The following TAFA2 variants were observed in gnomAD, a reference collection of about 807,000 sequenced individuals.
TAFA2 encodes the protein chemokine-like protein TAFA-2.
In TAFA2, 7 loss-of-function variants were observed where a neutral mutation model predicts 18.8. That is an observed-to-expected ratio of 0.37 (90% CI 0.21 to 0.70). TAFA2 has a LOEUF of 0.70. TAFA2 is among the 30% of genes least tolerant of loss of function. The probability of loss-of-function intolerance (pLI) is 0.53; values close to 1 mark genes in which losing one functional copy is unlikely to be tolerated. For missense variants in TAFA2, 122 were observed against 158.1 expected (o/e 0.77, Z 1.23); for synonymous variants, 60 against 54.2 (o/e 1.11, Z -0.47).
upstream of TAFA2, chr12:62,258,884 G>A (rs2062959888): frequency 1.1e-5 from 2 of 188,674 alleles, no homozygotes; most frequent in Non-Finnish European, 2.4e-5. Context: ...GGGTAGCCGT[G>A]GTTAGAGAAA....
intron 1 of TAFA2, among the ~76,000 whole-genome samples, chr12:62,086,590 A>G (rs1868465486): frequency 6.6e-6 from 1 of 152,100 alleles, no homozygotes; most frequent in South Asian, 2.1e-4. Flanking sequence ...CAAAACCACA[A>G]TAAGATACCA....
At chr12:61,772,831 T>A (rs922261290) in intron 2 of TAFA2, among the ~76,000 whole-genome samples, 1 of 151,892 alleles carries the variant, frequency 6.6e-6, no homozygotes, top group Non-Finnish European at 1.5e-5. Flanking sequence ...ACCACTTCTA[T>A]TCAACATAGT....
chr12:61,963,799 G>T (rs543077549), intron 1 of TAFA2, among the ~76,000 whole-genome samples: 24 of 152,054 alleles, frequency 1.6e-4, no homozygotes, highest in Admixed American at 5.2e-4. Context: ...GAACAAAGCT[G>T]GAGGCATCAT....
chr12:62,030,790 G>T lies in TAFA2; in HGVS notation c.-2+160469C>A, dbSNP rs556561820. On this transcript the variant is annotated intron_variant, in intron 1 of 4. Transcript: ENST00000416284. ...GAAACAGAGGTTTGTTGTTGTTGTTGTTACTGACTTGAGGTTAAGGACACA... is the reference window on the plus strand; with the variant it reads ...GAAACAGAGGTTTGTTGTTGTTGTTTTTACTGACTTGAGGTTAAGGACACA... Among the ~76,000 whole-genome samples the T allele has an allele frequency of 2.0e-5, 3 of 152,258 alleles. No individual in the cohort carries two copies. In the East Asian group the frequency reaches 5.8e-4, roughly 29 times the overall value.
intron 1 of TAFA2, among the ~76,000 whole-genome samples, chr12:62,087,869 CAG>C (rs1036643750): frequency 9.2e-5 from 14 of 152,112 alleles, no homozygotes; most frequent in Middle Eastern, 3.4e-3. Context: ...GCAGTCATGA[CAG>C]AGAAAAATGG....
At chr12:61,882,547 C>T (rs1213099165) in intron 1 of TAFA2, among the ~76,000 whole-genome samples, 1 of 152,098 alleles carries the variant, frequency 6.6e-6, no homozygotes, top group Non-Finnish European at 1.5e-5. Context: ...TTTTCTGTTA[C>T]TGTAAGGCTT....
At chr12:62,166,035 G>A (rs2062437138) in intron 1 of TAFA2, among the ~76,000 whole-genome samples, 1 of 151,802 alleles carries the variant, frequency 6.6e-6, no homozygotes, top group African/African-American at 2.4e-5. Flanking sequence ...GCTGTTTAGA[G>A]ACTGGTGTCA....
chr12:61,761,733 T>G (rs143459481), intron 2 of TAFA2, among the ~76,000 whole-genome samples: 344 of 152,098 alleles, frequency 2.3e-3, no homozygotes, highest in Non-Finnish European at 3.6e-3. Context: ...AGAAACAAAA[T>G]TAGAGATAAG....
At chr12:62,165,381 C>G (rs2062431777) in intron 1 of TAFA2, among the ~76,000 whole-genome samples, 1 of 151,990 alleles carries the variant, frequency 6.6e-6, no homozygotes, top group Non-Finnish European at 1.5e-5. Context: ...ACTCTTGAAT[C>G]TCTACACTCA....
chr12:62,040,827 T>C (rs900474710), intron 1 of TAFA2, among the ~76,000 whole-genome samples: 1 of 151,826 alleles, frequency 6.6e-6, no homozygotes, highest in Non-Finnish European at 1.5e-5. Context: ...ACTGAAGAGG[T>C]CAAACTGAAT....
chr12:62,075,749 C>T (rs1179736624), intron 1 of TAFA2, among the ~76,000 whole-genome samples: 1 of 152,150 alleles, frequency 6.6e-6, no homozygotes, highest in East Asian at 1.9e-4. Context: ...TTTGTTTTTA[C>T]TCTTGCAGAC....
chr12:61,775,705 G>C (rs1592380667), intron 2 of TAFA2, among the ~76,000 whole-genome samples: 2 of 151,830 alleles, frequency 1.3e-5, no homozygotes, highest in South Asian at 4.1e-4. Context: ...CTATAATAGT[G>C]GATACATGTC....
At chr12:62,161,830 T>A (rs556634545) in intron 1 of TAFA2, among the ~76,000 whole-genome samples, 4 of 152,194 alleles carry the variant, frequency 2.6e-5, no homozygotes, top group Non-Finnish European at 5.9e-5. Context: ...ACACATGTAT[T>A]TCAATGTTTA....
chr12:61,930,750 T>C lies in TAFA2; in HGVS notation c.-1-63324A>G, dbSNP rs1315167614. Among the ~76,000 whole-genome samples, 3 of 152,238 alleles carry C rather than the reference T, an allele frequency of 2.0e-5. No homozygotes were observed. In the South Asian group the frequency reaches 6.2e-4, roughly 31 times the overall value. ...AAGGCCTTGGAACATATTTTCAGAA[T>C]TTTTTGTCTTCCTCTTACATCACTC... On this transcript the variant is annotated intron_variant, in intron 1 of 4. Coordinates refer to ENST00000416284, the MANE Select transcript of TAFA2 (RefSeq NM_178539.5).
chr12:61,795,539 T>C (rs1194631595), intron 2 of TAFA2, among the ~76,000 whole-genome samples: 1 of 151,472 alleles, frequency 6.6e-6, no homozygotes, highest in Non-Finnish European at 1.5e-5. Flanking sequence ...ATGAGAACGC[T>C]TGGACACAGG....
chr12:62,082,831 T>A (rs1467235863), intron 1 of TAFA2, among the ~76,000 whole-genome samples: 2 of 152,226 alleles, frequency 1.3e-5, no homozygotes, highest in East Asian at 3.8e-4. Context: ...CCTCTAAGAA[T>A]AATTTATGTC....
chr12:62,131,060 G>A (rs1033036890), intron 1 of TAFA2, among the ~76,000 whole-genome samples: 3 of 151,848 alleles, frequency 2.0e-5, no homozygotes, highest in African/African-American at 4.8e-5. Context: ...ACTGAAAACC[G>A]CACTAATGAA....
chr12:61,813,267 T>G (rs764161306), intron 2 of TAFA2, among the ~76,000 whole-genome samples: 8 of 151,446 alleles, frequency 5.3e-5, no homozygotes, highest in Non-Finnish European at 1.0e-4. Context: ...GTTGAGCTTT[T>G]TCCATACTTT....
intron 1 of TAFA2, among the ~76,000 whole-genome samples, chr12:62,083,655 AG>A (rs1395006821): frequency 6.6e-6 from 1 of 152,232 alleles, no homozygotes. Flanking sequence ...TCTGCCATTA[AG>A]AAATTTGGTT....
Sources: gnomAD v4.1 joint callset for allele counts (sites outside exome capture counted in the v4.1 genomes callset) on GRCh38, gnomAD v4.1.1 for gene constraint, MANE v1.5 for transcripts, NCBI Gene and HGNC (gene_info 2026-07-23, HGNC 2026-07-21) for gene names.